Variants in TSPAN18 observed in about 807,000 individuals in gnomAD.
TSPAN18 encodes the protein tetraspanin 18, also known as tetraspanin-18.
TSPAN18 carries 14 observed loss-of-function variants against 27.3 expected under a neutral mutation model. That is an observed-to-expected ratio of 0.51 (90% CI 0.34 to 0.80). The LOEUF (loss-of-function observed/expected upper bound fraction) is 0.80. Among genes scored for constraint, TSPAN18 ranks in the 30% least tolerant of loss-of-function variants. TSPAN18 has a pLI of 0.01. For missense variants in TSPAN18, 268 were observed against 323.9 expected (o/e 0.83, Z 1.32); for synonymous variants, 143 against 136.5 (o/e 1.05, Z -0.33).
intron 3 of TSPAN18, among the ~76,000 whole-genome samples, chr11:44,888,265 C>T (rs954842741): frequency 2.0e-5 from 3 of 152,150 alleles, no homozygotes; most frequent in Non-Finnish European, 4.4e-5. Flanking sequence ...CTTCTCTCAC[C>T]GACTGGGCCA....
At chr11:44,857,849 C>T (rs781630581) in intron 2 of TSPAN18, among the ~76,000 whole-genome samples, 3 of 152,142 alleles carry the variant, frequency 2.0e-5, no homozygotes, top group East Asian at 1.9e-4. Context: ...TCCCTCCCCC[C>T]GATACACACA....
chr11:44,836,063 A>G (rs2135154313), intron 2 of TSPAN18, among the ~76,000 whole-genome samples: 1 of 152,314 alleles, frequency 6.6e-6, no homozygotes, highest in African/African-American at 2.4e-5. Flanking sequence ...GCCAATGAAT[A>G]ACCCTACAAG....
At chr11:44,870,602 G>A (rs1293262789) in intron 3 of TSPAN18, among the ~76,000 whole-genome samples, 6 of 152,156 alleles carry the variant, frequency 3.9e-5, no homozygotes, top group South Asian at 2.1e-4. Flanking sequence ...CTCAGATCCT[G>A]ATCACATAGA....
intron 2 of TSPAN18, among the ~76,000 whole-genome samples, chr11:44,838,894 G>A (rs1191694803): frequency 1.3e-5 from 2 of 152,206 alleles, no homozygotes; most frequent in African/African-American, 2.4e-5. Flanking sequence ...GACCCTTTTA[G>A]GTGGTGTGAT....
intron 5 of TSPAN18, 141 bp downstream of exon 5, chr11:44,910,040 T>C (rs1314260348): frequency 2.0e-6 from 2 of 1,023,410 alleles, no homozygotes; most frequent in East Asian, 2.7e-5. Context: ...GAAGGGATCA[T>C]GGAGATGAGC....
intron 2 of TSPAN18, among the ~76,000 whole-genome samples, chr11:44,771,739 G>A (rs1455404846): frequency 6.6e-6 from 1 of 152,180 alleles, no homozygotes; most frequent in African/African-American, 2.4e-5. Flanking sequence ...TAGCTATCAT[G>A]AGTAAACTAG....
intron 3 of TSPAN18, among the ~76,000 whole-genome samples, chr11:44,866,241 G>A (rs1477542831): frequency 6.6e-6 from 1 of 152,228 alleles, no homozygotes; most frequent in Non-Finnish European, 1.5e-5. Context: ...CAGCAGGTAC[G>A]AGGTGTGCCG....
At chr11:44,859,324 G>A (rs950445405) in intron 2 of TSPAN18, among the ~76,000 whole-genome samples, 5 of 152,172 alleles carry the variant, frequency 3.3e-5, no homozygotes, top group East Asian at 1.9e-4. Context: ...TATCCTCTGC[G>A]TCACCTCCTT....
chr11:44,921,791 G>C lies in TSPAN18; in HGVS notation c.615+1792G>C, dbSNP rs74777297. On this transcript the variant is annotated intron_variant, in intron 8 of 9. Transcript: ENST00000520358. ...AACTTAGAACCTTTTAATGCTACTTGTAAGTTTTCAGGAGGCTTCCCATGG... is the reference window on the plus strand; with the variant it reads ...AACTTAGAACCTTTTAATGCTACTTCTAAGTTTTCAGGAGGCTTCCCATGG... Among the ~76,000 whole-genome samples the C allele has an allele frequency of 9.9e-3, 1,508 of 152,308 alleles. 35 individuals are homozygous for C. Among genetic ancestry groups the C allele is most frequent in the African/African-American group, 0.035 (1,450 of 41,558 alleles).
intron 1 of TSPAN18, among the ~76,000 whole-genome samples, chr11:44,755,616 A>G (rs1029389313): frequency 2.7e-5 from 4 of 150,722 alleles, no homozygotes; most frequent in Non-Finnish European, 5.9e-5. Context: ...CCAACCCCCT[A>G]TGTAGCTAAT....
chr11:44,812,636 T>A (rs1037740243), intron 2 of TSPAN18, among the ~76,000 whole-genome samples: 1 of 152,154 alleles, frequency 6.6e-6, no homozygotes, highest in Non-Finnish European at 1.5e-5. Context: ...AAGGTGGGGC[T>A]AACATTCCTA....
At chr11:44,728,029 C>G (rs967665154) in intron 1 of TSPAN18, among the ~76,000 whole-genome samples, 49 of 152,210 alleles carry the variant, frequency 3.2e-4, no homozygotes, top group Admixed American at 2.7e-3. Context: ...CGCACTGCCC[C>G]GGCCCTCGCC....
At chr11:44,759,779 C>A (rs1331104975) in intron 1 of TSPAN18, among the ~76,000 whole-genome samples, 2 of 152,210 alleles carry the variant, frequency 1.3e-5, no homozygotes, top group African/African-American at 4.8e-5. Context: ...GAGTAAGATA[C>A]CACCCATATC....
intron 2 of TSPAN18, among the ~76,000 whole-genome samples, chr11:44,821,478 G>A (rs1856927668): frequency 6.6e-6 from 1 of 152,080 alleles, no homozygotes; most frequent in African/African-American, 2.4e-5. Flanking sequence ...ACCCATATTG[G>A]GATGATTAGT....
intron 1 of TSPAN18, among the ~76,000 whole-genome samples, chr11:44,733,163 C>T (rs1217185894): frequency 6.6e-6 from 1 of 152,206 alleles, no homozygotes; most frequent in Non-Finnish European, 1.5e-5. Flanking sequence ...TAAGGAAGTA[C>T]ATGGATATTT....
At chr11:44,788,128 G>A (rs952165112) in intron 2 of TSPAN18, among the ~76,000 whole-genome samples, 1 of 152,192 alleles carries the variant, frequency 6.6e-6, no homozygotes, top group African/African-American at 2.4e-5. Flanking sequence ...AGGAACCTTC[G>A]GTACACAGTT....
intron 5 of TSPAN18, among the ~76,000 whole-genome samples, chr11:44,910,488 A>G (rs942677433): frequency 2.6e-5 from 4 of 152,216 alleles, no homozygotes; most frequent in Non-Finnish European, 5.9e-5. Flanking sequence ...CTTGGCATCC[A>G]GGTCTGAACA....
chr11:44,825,408 G>A (rs1255390435), intron 2 of TSPAN18, among the ~76,000 whole-genome samples: 5 of 152,148 alleles, frequency 3.3e-5, no homozygotes, highest in Non-Finnish European at 5.9e-5. Flanking sequence ...TTAGGAAATG[G>A]GCAGCCTGGG....
intron 4 of TSPAN18, among the ~76,000 whole-genome samples, chr11:44,908,834 A>C (rs945516424): frequency 7.0e-6 from 1 of 142,776 alleles, no homozygotes; most frequent in Non-Finnish European, 1.5e-5. Context: ...AAAGAAAAAG[A>C]AAAATGGAGC....
Sources: allele counts gnomAD v4.1 joint callset (sites outside exome capture counted in the v4.1 genomes callset), GRCh38; gene constraint gnomAD v4.1.1; transcripts MANE v1.5; gene names NCBI Gene and HGNC (gene_info 2026-07-23, HGNC 2026-07-21).